The following ZBTB7C variants were observed in gnomAD, a reference collection of about 807,000 sequenced individuals.
ZBTB7C encodes zinc finger and BTB domain-containing protein 7C.
Under a neutral mutation model 25.7 loss-of-function variants are expected in ZBTB7C, and 8 were observed. The ratio of observed to expected loss-of-function variants is 0.31; its 90% CI spans 0.18 to 0.56. The LOEUF is 0.56. ZBTB7C is among the 20% of genes least tolerant of loss of function. ZBTB7C has a pLI of 0.91. For synonymous variants in ZBTB7C, 394 were observed against 369.0 expected (o/e 1.07, Z -0.78); for missense variants, 824 against 855.2 (o/e 0.96, Z 0.46).
intron 2 of ZBTB7C, among the ~76,000 whole-genome samples, chr18:48,221,477 A>G (rs2042955436): frequency 7.9e-6 from 1 of 126,830 alleles, no homozygotes; most frequent in African/African-American, 3.3e-5. Context: ...GTCTCCCTCT[A>G]TACTGTCCCT....
At chr18:48,357,656 T>C (rs72919575) in intron 1 of ZBTB7C, among the ~76,000 whole-genome samples, 16,969 of 152,104 alleles carry the variant, frequency 0.11, 1,089 homozygotes, top group Non-Finnish European at 0.14. Flanking sequence ...TATTTGAACT[T>C]TGCCCCACCC....
intron 1 of ZBTB7C, among the ~76,000 whole-genome samples, chr18:48,375,319 G>A (rs1012951179): frequency 1.3e-5 from 2 of 152,168 alleles, no homozygotes; most frequent in African/African-American, 4.8e-5. Flanking sequence ...AAGGACTCCT[G>A]GAAGCATGAG....
intron 1 of ZBTB7C, among the ~76,000 whole-genome samples, chr18:48,376,124 C>T (rs57547615): frequency 0.047 from 7,186 of 152,262 alleles, 207 homozygotes; most frequent in African/African-American, 0.068. Flanking sequence ...GTCCCGGGAC[C>T]ACACTTTGAA....
At chr18:48,264,513 G>T (rs1216020518) in intron 2 of ZBTB7C, among the ~76,000 whole-genome samples, 2 of 152,160 alleles carry the variant, frequency 1.3e-5, no homozygotes, top group Non-Finnish European at 2.9e-5. Flanking sequence ...GAGAGGCTGG[G>T]TTTCAGCTGT....
intron 3 of ZBTB7C, among the ~76,000 whole-genome samples, chr18:48,086,384 CTG>C (rs1176363161): frequency 6.6e-6 from 1 of 152,158 alleles, no homozygotes; most frequent in Non-Finnish European, 1.5e-5. Context: ...AGAGTTGAAA[CTG>C]AATTTCAGAA....
intron 3 of ZBTB7C, among the ~76,000 whole-genome samples, chr18:48,168,361 A>G (rs933930068): frequency 6.6e-6 from 1 of 152,254 alleles, no homozygotes; most frequent in Non-Finnish European, 1.5e-5. Flanking sequence ...TTTTCTAAAC[A>G]TGAAACAAAC....
At chr18:48,163,385 C>T (rs1273696993) in intron 3 of ZBTB7C, among the ~76,000 whole-genome samples, 8 of 152,206 alleles carry the variant, frequency 5.3e-5, no homozygotes, top group African/African-American at 1.9e-4. Context: ...AACATTTGCT[C>T]TGATCCGTAG....
chr18:48,139,033 T>C (rs1047548473), intron 3 of ZBTB7C, among the ~76,000 whole-genome samples: 3 of 152,050 alleles, frequency 2.0e-5, no homozygotes, highest in Admixed American at 6.5e-5. Flanking sequence ...CAGCACCCTG[T>C]GGGTGCATAA....
intron 2 of ZBTB7C, among the ~76,000 whole-genome samples, chr18:48,189,893 A>C (rs548285875): frequency 6.6e-6 from 1 of 152,332 alleles, no homozygotes; most frequent in East Asian, 1.9e-4. Flanking sequence ...GTGACCAGCC[A>C]GTGCTGTCTG....
intron 2 of ZBTB7C, among the ~76,000 whole-genome samples, chr18:48,278,486 A>T (rs1300868935): frequency 1.3e-5 from 2 of 151,546 alleles, no homozygotes; most frequent in African/African-American, 2.4e-5. Flanking sequence ...TCCAGGCTGG[A>T]ATGCAATGGT....
intron 1 of ZBTB7C, among the ~76,000 whole-genome samples, chr18:48,358,248 T>C (rs1283213803): frequency 6.6e-6 from 1 of 152,010 alleles, no homozygotes; most frequent in Non-Finnish European, 1.5e-5. Context: ...GCTACTTGGG[T>C]GGCTGAGGCA....
intron 3 of ZBTB7C, among the ~76,000 whole-genome samples, chr18:48,136,266 C>T (rs749180405): frequency 1.8e-4 from 28 of 152,182 alleles, no homozygotes; most frequent in Non-Finnish European, 3.5e-4. Context: ...CACACCGGGC[C>T]GTCTCCGGAG....
At chr18:48,143,687 C>T (rs1018403348) in intron 3 of ZBTB7C, among the ~76,000 whole-genome samples, 2 of 152,262 alleles carry the variant, frequency 1.3e-5, no homozygotes, top group Middle Eastern at 3.4e-3. Context: ...CCAGTTTTAA[C>T]AAAAATGCTG....
intron 1 of ZBTB7C, among the ~76,000 whole-genome samples, chr18:48,396,439 G>A (rs2048030139): frequency 6.6e-6 from 1 of 152,200 alleles, no homozygotes; most frequent in Non-Finnish European, 1.5e-5. Context: ...CATCAGGTGA[G>A]CTCTGAGTCC....
intron 3 of ZBTB7C, among the ~76,000 whole-genome samples, chr18:48,124,173 A>T (rs2144736016): frequency 6.6e-6 from 1 of 152,366 alleles, no homozygotes; most frequent in South Asian, 2.1e-4. Context: ...ACCTCTACCT[A>T]GAAATGTCGG....
chr18:48,052,018 C>T (rs930100207), intron 3 of ZBTB7C, among the ~76,000 whole-genome samples: 4 of 152,270 alleles, frequency 2.6e-5, no homozygotes, highest in African/African-American at 4.8e-5. Flanking sequence ...TTATTACAGG[C>T]GATTTCCTGA....
chr18:48,390,394 G>A (rs947620628), intron 1 of ZBTB7C, among the ~76,000 whole-genome samples: 1 of 152,096 alleles, frequency 6.6e-6, no homozygotes, highest in Non-Finnish European at 1.5e-5. Context: ...AGAAAAGAGT[G>A]TCATTTTTTA....
At chr18:48,254,345 G>A (rs924800550) in intron 2 of ZBTB7C, among the ~76,000 whole-genome samples, 2 of 152,166 alleles carry the variant, frequency 1.3e-5, no homozygotes, top group Non-Finnish European at 2.9e-5. Flanking sequence ...GATGGCCCTG[G>A]CCAAGTGGAA....
At chr18:48,275,515 G>A (rs905837696) in intron 2 of ZBTB7C, among the ~76,000 whole-genome samples, 3 of 152,126 alleles carry the variant, frequency 2.0e-5, no homozygotes, top group African/African-American at 4.8e-5. Flanking sequence ...CCAGATCCCC[G>A]ACTGAGAGAT....
Sources: allele counts gnomAD v4.1 joint callset (sites outside exome capture counted in the v4.1 genomes callset), GRCh38; gene constraint gnomAD v4.1.1; transcripts MANE v1.5; gene names NCBI Gene and HGNC (gene_info 2026-07-23, HGNC 2026-07-21).